The following TNR variants were observed in gnomAD, a reference collection of about 807,000 sequenced individuals.
The protein encoded by TNR is tenascin R, also known as tenascin-R.
TNR carries 45 observed loss-of-function variants against 150.4 expected under a neutral mutation model. The ratio of observed to expected loss-of-function variants is 0.30; its 90% CI spans 0.24 to 0.38. The LOEUF (loss-of-function observed/expected upper bound fraction) is 0.38. Ranked by LOEUF, TNR falls within the 10% of genes least tolerant of loss-of-function variation. The probability of loss-of-function intolerance (pLI) is 1.00; values close to 1 mark genes in which losing one functional copy is unlikely to be tolerated. For synonymous variants in TNR, 687 were observed against 678.4 expected (o/e 1.01, Z -0.20); for missense variants, 1,544 against 1,759.1 (o/e 0.88, Z 2.19).
chr1:175,592,142 A>T (rs1662825203), intron 1 of TNR, among the ~76,000 whole-genome samples: 1 of 152,236 alleles, frequency 6.6e-6, no homozygotes, highest in Non-Finnish European at 1.5e-5. Flanking sequence ...CACTTGTAAG[A>T]TGGGAATAAT....
Position 175,710,847 on chromosome 1 carries a change from C to A in TNR, c.-165+32379G>T, listed in dbSNP as rs1055503564. On this transcript the variant is annotated intron_variant, in intron 1 of 22. Coordinates refer to ENST00000367674, the MANE Select transcript of TNR (RefSeq NM_003285.3). ...TCCTTCAAAACCTTCACAGTCTTCTCATTTCCTGCACAATAAAGCATAATT... is the reference window on the plus strand; with the variant it reads ...TCCTTCAAAACCTTCACAGTCTTCTAATTTCCTGCACAATAAAGCATAATT... Among the ~76,000 whole-genome samples, 8 of 152,172 alleles carry A rather than the reference C, an allele frequency of 5.3e-5. No individual in the cohort carries two copies. The South Asian group carries it at 1.7e-3, about 32-fold the overall frequency.
chr1:175,371,255 G>A (rs1027039237), intron 9 of TNR, among the ~76,000 whole-genome samples: 1 of 152,098 alleles, frequency 6.6e-6, no homozygotes, highest in South Asian at 2.1e-4. Context: ...CTTAACAATA[G>A]CACAGAAAAT....
chr1:175,715,185 C>G (rs1206500568), intron 1 of TNR, among the ~76,000 whole-genome samples: 1 of 152,172 alleles, frequency 6.6e-6, no homozygotes, highest in African/African-American at 2.4e-5. Flanking sequence ...GAAAATACAT[C>G]CTGGGGTTTG....
chr1:175,632,268 G>A (rs1364014982), intron 1 of TNR, among the ~76,000 whole-genome samples: 4 of 152,190 alleles, frequency 2.6e-5, no homozygotes, highest in African/African-American at 9.6e-5. Flanking sequence ...CTTAGAGATG[G>A]TGTGAAGAGA....
In TNR at chr1:175,353,994, C is replaced by T. The variant is rs569354922; in HGVS notation, c.3382+397G>A. 3.9e-5 allele frequency among the ~76,000 whole-genome samples: 6 copies of T among 152,152 alleles called. No homozygotes were observed. The East Asian group carries it at 5.8e-4, about 15-fold the overall frequency. On this transcript the variant is annotated intron_variant, in intron 18 of 22. Transcript: ENST00000367674. ...CTGAGTAGCTGGGATTACAGGCACA[C>T]ACCACCATGCCCAACTAATTTTTGT...
chr1:175,612,054 T>G (rs1287439323), intron 1 of TNR, among the ~76,000 whole-genome samples: 2 of 152,134 alleles, frequency 1.3e-5, no homozygotes, highest in Admixed American at 1.3e-4. Context: ...TTTTAATCTT[T>G]TAGGTACCTG....
chr1:175,429,698 G>A (rs568002292), intron 2 of TNR, among the ~76,000 whole-genome samples: 1 of 152,312 alleles, frequency 6.6e-6, no homozygotes, highest in South Asian at 2.1e-4. Context: ...GTAGAGCACA[G>A]GTTGGAATAG....
intron 2 of TNR, among the ~76,000 whole-genome samples, chr1:175,475,727 G>A (rs557233194): frequency 5.3e-5 from 8 of 152,034 alleles, no homozygotes; most frequent in Admixed American, 2.0e-4. Flanking sequence ...TACTCTTCAA[G>A]TAGAATTAAG....
chr1:175,650,598 A>T (rs1664930585), intron 1 of TNR, among the ~76,000 whole-genome samples: 1 of 149,996 alleles, frequency 6.7e-6, no homozygotes, highest in African/African-American at 2.5e-5. Context: ...AGATTACTAA[A>T]CTTTCCCTAC....
chr1:175,657,195 A>C (rs141293559), intron 1 of TNR, among the ~76,000 whole-genome samples: 105 of 152,316 alleles, frequency 6.9e-4, no homozygotes, highest in South Asian at 3.3e-3. Flanking sequence ...ACCATCAGAG[A>C]AATGCAAATC....
At chr1:175,472,660 C>T (rs566706021) in intron 2 of TNR, among the ~76,000 whole-genome samples, 3 of 152,186 alleles carry the variant, frequency 2.0e-5, no homozygotes, top group East Asian at 1.9e-4. Flanking sequence ...TTGACCAAAT[C>T]GTGGTTACAC....
intron 1 of TNR, among the ~76,000 whole-genome samples, chr1:175,583,646 C>T (rs546921326): frequency 1.3e-5 from 2 of 152,242 alleles, no homozygotes; most frequent in Non-Finnish European, 2.9e-5. Context: ...GTGGAAACAA[C>T]CTTAGTGGAA....
intron 4 of TNR, among the ~76,000 whole-genome samples, chr1:175,397,557 A>G (rs868645530): frequency 6.6e-6 from 1 of 152,236 alleles, no homozygotes; most frequent in Non-Finnish European, 1.5e-5. Flanking sequence ...GCAAATTATG[A>G]GAAGCCAAAA....
At chr1:175,682,153 G>A (rs79542095) in intron 1 of TNR, among the ~76,000 whole-genome samples, 2 of 152,196 alleles carry the variant, frequency 1.3e-5, no homozygotes. Flanking sequence ...GGCTCATGGT[G>A]TTGGAATTGA....
At chr1:175,392,334 T>A (rs967973066) in intron 6 of TNR, among the ~76,000 whole-genome samples, 3 of 152,204 alleles carry the variant, frequency 2.0e-5, no homozygotes, top group Non-Finnish European at 4.4e-5. Flanking sequence ...GTGCCTTATA[T>A]GTAATTTACA....
At chr1:175,547,496 T>A (rs1660735267) in intron 1 of TNR, among the ~76,000 whole-genome samples, 1 of 151,826 alleles carries the variant, frequency 6.6e-6, no homozygotes, top group African/African-American at 2.4e-5. Context: ...GAAGTGAGAC[T>A]GAGCTGATAC....
chr1:175,505,335 C>T (rs1398621323), intron 2 of TNR, among the ~76,000 whole-genome samples: 1 of 152,238 alleles, frequency 6.6e-6, no homozygotes, highest in Non-Finnish European at 1.5e-5. Context: ...GCGGGACTGA[C>T]GGGCTGGCTG....
chr1:175,335,461 CA>C, intron 20 of TNR: 1 of 371,786 alleles, frequency 2.7e-6, no homozygotes, highest in Non-Finnish European at 4.8e-6. Context: ...AGCCTCATGT[CA>C]AAACCCATCA....
chr1:175,353,310 T>C (rs1484545555), intron 18 of TNR, among the ~76,000 whole-genome samples: 2 of 152,232 alleles, frequency 1.3e-5, no homozygotes, highest in South Asian at 2.1e-4. Context: ...TGATAGTGCA[T>C]ACCACATAGG....
Sources: gnomAD v4.1 joint callset for allele counts (sites outside exome capture counted in the v4.1 genomes callset) on GRCh38, gnomAD v4.1.1 for gene constraint, MANE v1.5 for transcripts, NCBI Gene and HGNC (gene_info 2026-07-23, HGNC 2026-07-21) for gene names.